DNAH9: variants seen among roughly 807,000 people sequenced by gnomAD.
DNAH9 encodes the protein dynein axonemal heavy chain 9.
Under a neutral mutation model 471.6 loss-of-function variants are expected in DNAH9, and 345 were observed. The ratio of observed to expected loss-of-function variants is 0.73; its 90% CI spans 0.67 to 0.80. DNAH9 has a LOEUF of 0.80. DNAH9 is among the 30% of genes least tolerant of loss of function. DNAH9 has a pLI of 0.00. For missense variants in DNAH9, 5,407 were observed against 5,609.2 expected, an observed-to-expected ratio of 0.96 and a Z score of 1.15; for synonymous variants, 2,093 against 2,123.6, an observed-to-expected ratio of 0.99 and a Z score of 0.40.
chr17:11,860,622 C>G (rs1312839882), intron 50 of DNAH9, among the ~76,000 whole-genome samples: 1 of 151,954 alleles, frequency 6.6e-6, no homozygotes, highest in Admixed American at 6.6e-5. Context: ...AGTGCAATGG[C>G]ACAATCTCTG....
Position 11,883,603 on chromosome 17 carries a change from G to T in DNAH9, c.10824G>T (p.Gln3608His), listed in dbSNP as rs1292933735. The change falls in exon 56 of 69, where the codon CAG becomes CAT. Residue 3608 changes from glutamine (Q) to histidine (H), a missense_variant. Coordinates refer to ENST00000262442, the MANE Select transcript of DNAH9 (RefSeq NM_001372.4). The stretch of plus-strand genomic sequence containing the variant: ...ATTTGCAGTCCGATCTCACAAAGCA[G>T]CAGAATGGATTCAAAATTACCCTGA... ...LEQLKSDLTK[Q>H]QNGFKITLKT... The T allele has an allele frequency of 1.2e-6, 2 of 1,614,008 alleles. No homozygotes were observed. The highest frequency in any genetic ancestry group is 2.7e-5 in the African/African-American group (2 of 74,926).
chr17:11,936,768 CAT>C (rs577009680), intron 65 of DNAH9, among the ~76,000 whole-genome samples: 6 of 152,196 alleles, frequency 3.9e-5, no homozygotes, highest in Non-Finnish European at 5.9e-5. Context: ...TAGGGTGACA[CAT>C]AGTTTCAAAA....
intron 19 of DNAH9, among the ~76,000 whole-genome samples, chr17:11,681,724 A>G (rs16945183): frequency 0.015 from 2,285 of 152,294 alleles, 68 homozygotes; most frequent in African/African-American, 0.053. Context: ...ACAGTGAGGA[A>G]TGTTTTTATT....
At position 11,793,578 on chromosome 17, in the gene DNAH9, C is replaced by A. The variant is rs760609171; in HGVS notation, c.8137C>A (p.Arg2713=). The part of the protein sequence containing the change: ...LIRLYLHESN[R]VYRDKMVEEK... ...AAGGCTCTATCTGCATGAATCAAATCGAGTTTATCGGGATAAGATGGTAGA... is the reference window on the plus strand; with the variant it reads ...AAGGCTCTATCTGCATGAATCAAATAGAGTTTATCGGGATAAGATGGTAGA... The change falls in exon 42 of 69, where the codon CGA becomes AGA. Residue 2713 remains arginine, a synonymous_variant. Transcript: ENST00000262442. The A allele has an allele frequency of 6.2e-7, 1 of 1,613,606 alleles. No individual in the cohort carries two copies. Among genetic ancestry groups the A allele is most frequent in the Middle Eastern group, 1.6e-4 (1 of 6,062 alleles).
In DNAH9 at chr17:11,775,946, C is replaced by G. The variant is rs536397822; in HGVS notation, c.7553-5063C>G. On this transcript the variant is annotated intron_variant, in intron 38 of 68. Transcript: ENST00000262442. ...CTGGCTGATAATACCTGCATTTCTC[C>G]TCTCTTTCACTACATCCAGTTGTGG... is the stretch of plus-strand genomic sequence containing the variant. Among the ~76,000 whole-genome samples the G allele has an allele frequency of 3.2e-4, 48 of 152,276 alleles. 1 individual carries two copies. Among genetic ancestry groups the G allele is most frequent in the African/African-American group, 1.1e-3 (44 of 41,554 alleles).
At chr17:11,843,780 G>A (rs567793534) in intron 49 of DNAH9, among the ~76,000 whole-genome samples, 6 of 148,624 alleles carry the variant, frequency 4.0e-5, no homozygotes, top group South Asian at 2.1e-4. Context: ...CAGTAAAACA[G>A]TAGGTTTGAA....
intron 24 of DNAH9, 36 bp from the exon 25 acceptor site, chr17:11,704,164 CATG>C (rs1192029439): frequency 6.2e-7 from 1 of 1,611,286 alleles, no homozygotes; most frequent in Non-Finnish European, 8.5e-7. Context: ...TGGAAACAGC[CATG>C]ATAACAGCTT....
intron 22 of DNAH9, among the ~76,000 whole-genome samples, chr17:11,699,187 T>G (rs1385437940): frequency 1.3e-5 from 2 of 152,094 alleles, no homozygotes; most frequent in South Asian, 4.2e-4. Flanking sequence ...AGGTGGAGGT[T>G]GCAGTGAGCC....
At chr17:11,642,718 G>A (rs2073300718) in intron 10 of DNAH9, among the ~76,000 whole-genome samples, 2 of 152,178 alleles carry the variant, frequency 1.3e-5, no homozygotes, top group African/African-American at 4.8e-5. Context: ...GCCTCACTCT[G>A]CTCTGGCCTC....
chr17:11,852,814 GTATATATATATATATATATATATATATA>G lies in DNAH9; in HGVS notation c.9508-1169_9508-1142del, dbSNP rs58555259. 4.3e-4 allele frequency among the ~76,000 whole-genome samples: 40 copies of G among 92,684 alleles called. 2 individuals carry two copies. The highest frequency in any genetic ancestry group is 1.1e-3 in the African/African-American group (28 of 25,894). The allele number at this position is 92,684 out of a possible 152,430, so 60.8% of individuals were successfully genotyped here. Reference sequence around the variant, plus strand: ...TATATATAAGAAAGTGTGTGTGTGTGTATATATATATATATATATATATATATATATATATATATATATATATGAAAGT... The same window carrying G: ...TATATATAAGAAAGTGTGTGTGTGTGTATATATATATATATATATGAAAGT... On this transcript the variant is annotated intron_variant, in intron 49 of 68. Coordinates refer to ENST00000262442, the MANE Select transcript of DNAH9 (RefSeq NM_001372.4).
intron 34 of DNAH9, among the ~76,000 whole-genome samples, chr17:11,756,954 A>T (rs140498852): frequency 6.6e-6 from 1 of 152,004 alleles, no homozygotes; most frequent in Admixed American, 6.5e-5. Context: ...TTTATCACTA[A>T]CTCCTGGTGC....
At chr17:11,642,826 A>T (rs976266579) in intron 10 of DNAH9, among the ~76,000 whole-genome samples, 3 of 151,972 alleles carry the variant, frequency 2.0e-5, no homozygotes, top group Non-Finnish European at 2.9e-5. Context: ...TTCGGGCTGG[A>T]GCATATTCTA....
intron 43 of DNAH9, among the ~76,000 whole-genome samples, chr17:11,804,228 C>A (rs1969575582): frequency 6.6e-6 from 1 of 152,148 alleles, no homozygotes; most frequent in Admixed American, 6.5e-5. Flanking sequence ...AAAGTAAAAT[C>A]ATAAAATTAC....
chr17:11,892,444 T>G lies in DNAH9; in HGVS notation c.11283+497T>G, dbSNP rs75633267. Among the ~76,000 whole-genome samples the G allele has an allele frequency of 5.3e-3, 801 of 152,306 alleles. 11 individuals carry two copies. Among genetic ancestry groups the G allele is most frequent in the African/African-American group, 0.018 (760 of 41,556 alleles). On this transcript the variant is annotated intron_variant, in intron 58 of 68. Coordinates refer to ENST00000262442, the MANE Select transcript of DNAH9 (RefSeq NM_001372.4). The surrounding 1 kb of genome is among the most constrained non-coding windows in gnomAD (Gnocchi z 4.3). The stretch of plus-strand genomic sequence containing the variant: ...TGACCTTAGAAAGTTTTCAATAACG[T>G]TGGTTCTCAAGGGTTTGGGAAGCAG...
At chr17:11,810,792 C>G (rs1969867654) in intron 45 of DNAH9, among the ~76,000 whole-genome samples, 1 of 152,174 alleles carries the variant, frequency 6.6e-6, no homozygotes, top group Admixed American at 6.5e-5. Flanking sequence ...ACGCGTAAAA[C>G]TTACACAGTA....
At chr17:11,848,313 A>C (rs918396201) in intron 49 of DNAH9, among the ~76,000 whole-genome samples, 34 of 152,198 alleles carry the variant, frequency 2.2e-4, no homozygotes, top group Admixed American at 2.0e-3. Context: ...CATGAAAAAA[A>C]AGTTTAGCAT....
chr17:11,930,204 A>G (rs1054645149), intron 63 of DNAH9, 111 bp downstream of exon 63: 2 of 947,062 alleles, frequency 2.1e-6, no homozygotes, highest in Admixed American at 2.4e-5. Context: ...TGGTTGGGCT[A>G]CGGAGCAATG....
At chr17:11,657,131 A>G (rs1368563996) in intron 14 of DNAH9, among the ~76,000 whole-genome samples, 2 of 152,176 alleles carry the variant, frequency 1.3e-5, no homozygotes, top group African/African-American at 4.8e-5. Context: ...AATGTGTGTA[A>G]GTAATAGCCC....
At chr17:11,698,082 AGCAT>A (rs1391381357) in intron 22 of DNAH9, among the ~76,000 whole-genome samples, 1 of 142,670 alleles carries the variant, frequency 7.0e-6, no homozygotes, top group Non-Finnish European at 1.5e-5. Context: ...GTTACTTTAT[AGCAT>A]ATATAGTATA....
Sources: allele counts gnomAD v4.1 joint callset (sites outside exome capture counted in the v4.1 genomes callset), GRCh38; gene constraint gnomAD v4.1.1; non-coding constraint Gnocchi (gnomAD v3.1); transcripts MANE v1.5; gene names NCBI Gene and HGNC (gene_info 2026-07-23, HGNC 2026-07-21).